Variants in TRERF1 observed in about 807,000 individuals in gnomAD.
The protein encoded by TRERF1 is transcriptional-regulating factor 1.
A neutral mutation model predicts 122.9 loss-of-function variants in TRERF1; 27 were observed. The ratio of observed to expected loss-of-function variants is 0.22; its 90% CI spans 0.16 to 0.30. The LOEUF is 0.30. Ranked by LOEUF, TRERF1 falls within the 10% of genes least tolerant of loss-of-function variation. The pLI is 1.00. For synonymous variants in TRERF1, 636 were observed against 641.7 expected, an observed-to-expected ratio of 0.99 and a Z score of 0.13; for missense variants, 1,248 against 1,560.3, an observed-to-expected ratio of 0.80 and a Z score of 3.37.
chr6:42,258,100 G>C (rs769875839), intron 10 of TRERF1, 35 bp downstream of exon 10: 7 of 1,571,078 alleles, frequency 4.5e-6, no homozygotes, highest in Middle Eastern at 1.7e-4. Context: ...AGAAGCTGAG[G>C]CTTCTGTTCT....
chr6:42,408,522 AC>A (rs1000845473), intron 2 of TRERF1, among the ~76,000 whole-genome samples: 1 of 150,792 alleles, frequency 6.6e-6, no homozygotes, highest in African/African-American at 2.4e-5. Flanking sequence ...GGGATTACAG[AC>A]ATGTGCCAAC....
chr6:42,366,707 G>T (rs1164524780), intron 2 of TRERF1, among the ~76,000 whole-genome samples: 1 of 152,206 alleles, frequency 6.6e-6, no homozygotes, highest in Non-Finnish European at 1.5e-5. Context: ...GCAACCAGAA[G>T]CAGGAAAAAG....
chr6:42,439,110 T>C (rs72859305), intron 2 of TRERF1, among the ~76,000 whole-genome samples: 2,461 of 152,276 alleles, frequency 0.016, 43 homozygotes, highest in East Asian at 0.09. Context: ...ATGGCAATGC[T>C]TCTCCTTCAA....
Position 42,268,896 on chromosome 6 carries a change from A to G in TRERF1, c.695T>C (p.Leu232Pro). The G allele has an allele frequency of 6.2e-7, 1 of 1,613,706 alleles. No individual in the cohort carries two copies. The highest frequency in any genetic ancestry group is 1.1e-5 in the South Asian group (1 of 91,076). The change falls in exon 5 of 18, where the codon CTG becomes CCG. Residue 232 changes from leucine to proline, a missense_variant. Leu to Pro is a moderately conservative substitution (Grantham distance 98). Coordinates refer to ENST00000372922, the Ensembl canonical transcript of TRERF1. This position sits in a 1 kb window ranked among gnomAD's most constrained non-coding sequence, Gnocchi z 4.4. Reference sequence around the variant, plus strand: ...CAGAGGCTGCTGGTAGTCATAATACAGGTGCCCTTGGGTAGGGTGCTGCCC... The same window carrying G: ...CAGAGGCTGCTGGTAGTCATAATACGGGTGCCCTTGGGTAGGGTGCTGCCC...
chr6:42,324,718 G>A (rs1763995210), intron 3 of TRERF1, among the ~76,000 whole-genome samples: 1 of 152,226 alleles, frequency 6.6e-6, no homozygotes, highest in Middle Eastern at 3.4e-3. Flanking sequence ...ATTAAAACTG[G>A]ACCCCTATTT....
chr6:42,274,265 C>T (rs768580949), intron 4 of TRERF1, among the ~76,000 whole-genome samples: 7 of 152,176 alleles, frequency 4.6e-5, no homozygotes, highest in Admixed American at 1.3e-4. Context: ...ATCTCTGCCC[C>T]AGAGATGATC....
intron 3 of TRERF1, among the ~76,000 whole-genome samples, chr6:42,361,481 G>A (rs73733154): frequency 0.03 from 4,607 of 151,974 alleles, 240 homozygotes; most frequent in African/African-American, 0.1. Context: ...TGTTTTTCCC[G>A]AGAAAATGTA....
At chr6:42,343,622 A>G (rs1767712861) in intron 3 of TRERF1, among the ~76,000 whole-genome samples, 1 of 152,208 alleles carries the variant, frequency 6.6e-6, no homozygotes, top group Admixed American at 6.5e-5. Flanking sequence ...CTAAGGACAG[A>G]GCGTATGTGC....
intron 2 of TRERF1, among the ~76,000 whole-genome samples, chr6:42,438,009 C>T (rs1198844989): frequency 2.6e-5 from 4 of 151,930 alleles, no homozygotes; most frequent in Non-Finnish European, 5.9e-5. Context: ...GCAATCTTCG[C>T]CTCCCAGGTT....
chr6:42,329,845 C>T (rs552197882), intron 3 of TRERF1, among the ~76,000 whole-genome samples: 145 of 152,008 alleles, frequency 9.5e-4, no homozygotes, highest in Admixed American at 1.4e-3. Context: ...AAAAAATTAG[C>T]CGGGCGTGGT....
chr6:42,343,156 T>C (rs567861078), intron 3 of TRERF1, among the ~76,000 whole-genome samples: 16 of 152,304 alleles, frequency 1.1e-4, no homozygotes, highest in African/African-American at 1.7e-4. Flanking sequence ...TTACACTCCA[T>C]CTGGAGAGTC....
At chr6:42,252,379 G>A (rs9394891) in intron 13 of TRERF1, among the ~76,000 whole-genome samples, 5 of 152,018 alleles carry the variant, frequency 3.3e-5, no homozygotes, top group Non-Finnish European at 5.9e-5. Context: ...ACAGCCTCCC[G>A]CCCTGACATG....
intron 2 of TRERF1, among the ~76,000 whole-genome samples, chr6:42,434,190 T>A (rs1341088237): frequency 6.6e-6 from 1 of 151,508 alleles, no homozygotes; most frequent in East Asian, 1.9e-4. Flanking sequence ...CATGAAAGGG[T>A]CTAACATATG....
rs55732660 is a variant in TRERF1 at position 42,375,548 on chromosome 6, A to G, written c.-453-12469T>C. Reference sequence around the variant, plus strand: ...TTGTGCAGTCCAAAAGCATTTATTAAGTGTCTACTATGTCCAAGCACCATG... The same window carrying G: ...TTGTGCAGTCCAAAAGCATTTATTAGGTGTCTACTATGTCCAAGCACCATG... On this transcript the variant is annotated intron_variant, in intron 2 of 17. Transcript: ENST00000372922. Among the ~76,000 whole-genome samples, 1,192 of 152,330 alleles carry G rather than the reference A, an allele frequency of 7.8e-3. 36 individuals are homozygous for G. In the East Asian group the frequency reaches 0.11, roughly 14 times the overall value.
intron 15 of TRERF1, among the ~76,000 whole-genome samples, chr6:42,240,223 G>A (rs1004959908): frequency 1.4e-4 from 22 of 152,114 alleles, no homozygotes; most frequent in Admixed American, 1.2e-3. Context: ...TCCTATCTTC[G>A]AAAAATATTC....
chr6:42,320,510 TTTTTTTTTTTTTTGAGACTGAG>T (rs1763243689), intron 3 of TRERF1, among the ~76,000 whole-genome samples: 1 of 150,780 alleles, frequency 6.6e-6, no homozygotes. Flanking sequence ...GAAAGAATTT[TTTTTTTTTTTTTTGAGACTGAG>T]TCTCGCTCTT....
At chr6:42,382,258 C>T (rs946303590) in intron 2 of TRERF1, among the ~76,000 whole-genome samples, 3 of 151,662 alleles carry the variant, frequency 2.0e-5, no homozygotes, top group African/African-American at 7.3e-5. Flanking sequence ...CAGGGTCTCA[C>T]CATGTGGGGA....
intron 4 of TRERF1, among the ~76,000 whole-genome samples, chr6:42,298,963 A>G (rs943775273): frequency 2.0e-5 from 3 of 152,018 alleles, no homozygotes; most frequent in African/African-American, 7.3e-5. Context: ...AACAAAACAA[A>G]AAACAAACAA....
intron 2 of TRERF1, among the ~76,000 whole-genome samples, chr6:42,419,818 T>A (rs530801770): frequency 6.6e-6 from 1 of 152,302 alleles, no homozygotes; most frequent in African/African-American, 2.4e-5. Flanking sequence ...TGGTGTTGAC[T>A]GGGCAGAATG....
Sources: allele counts gnomAD v4.1 joint callset (sites outside exome capture counted in the v4.1 genomes callset), GRCh38; gene constraint gnomAD v4.1.1; non-coding constraint Gnocchi (gnomAD v3.1); transcripts MANE v1.5; gene names NCBI Gene and HGNC (gene_info 2026-07-23, HGNC 2026-07-21).